PPP1R16A: variants seen among roughly 807,000 people sequenced by gnomAD.
PPP1R16A encodes the protein myosin phosphatase-targeting subunit 3.
Under a neutral mutation model 46.6 loss-of-function variants are expected in PPP1R16A, and 39 were observed. That is an observed-to-expected ratio of 0.84 (90% CI 0.65 to 1.09). PPP1R16A has a LOEUF of 1.09. Ranked by LOEUF, PPP1R16A falls within the 50% of genes least tolerant of loss-of-function variation. PPP1R16A has a pLI of 0.00. For synonymous variants in PPP1R16A, 413 were observed against 321.5 expected, an observed-to-expected ratio of 1.28 and a Z score of -3.04; for missense variants, 798 against 735.6, an observed-to-expected ratio of 1.08 and a Z score of -0.98.
intron 2 of PPP1R16A, among the ~76,000 whole-genome samples, chr8:144,490,751 C>G (rs2130320757): frequency 6.6e-6 from 1 of 152,342 alleles, no homozygotes; most frequent in Non-Finnish European, 1.5e-5. Context: ...CAGACAGCCT[C>G]TCTGCCCATG....
rs1430933862 is a variant in PPP1R16A, at chr8:144,500,844, G to A, written c.910G>A (p.Val304Met). ...KSLMDETPLDVCGDEEVRAKL... is the reference protein window; with the variant it reads ...KSLMDETPLDMCGDEEVRAKL... ...TGACGCCTGCGCCCACTTCTCAGAT[G>A]TGTGCGGGGACGAGGAGGTGCGGGC... is the stretch of plus-strand genomic sequence containing the variant. Residue 304 changes from valine (V) to methionine (M), a missense_variant and splice_region_variant, in exon 10 of 12, where the codon GTG becomes ATG. Val to Met is a conservative substitution (Grantham distance 21). Transcript: ENST00000435887. 6.3e-7 allele frequency: 1 copy of A among 1,581,980 alleles called. No individual in the cohort carries two copies. Among genetic ancestry groups the A allele is most frequent in the Non-Finnish European group, 8.6e-7 (1 of 1,165,320 alleles).
chr8:144,486,069 A>T (rs1277540234), intron 1 of PPP1R16A, among the ~76,000 whole-genome samples: 2 of 152,256 alleles, frequency 1.3e-5, no homozygotes, highest in East Asian at 3.9e-4. Flanking sequence ...GTTACAAGAC[A>T]TTTGGTTTTT....
chr8:144,492,958 G>A (rs557355628), intron 2 of PPP1R16A, among the ~76,000 whole-genome samples: 59 of 152,276 alleles, frequency 3.9e-4, no homozygotes, highest in African/African-American at 1.2e-3. Context: ...AGTAGTGACC[G>A]GGGCAGCTCT....
chr8:144,499,921 C>A (rs1826325387), intron 5 of PPP1R16A, 175 bp from the exon 6 acceptor site: 1 of 622,938 alleles, frequency 1.6e-6, no homozygotes, highest in East Asian at 2.8e-5. Flanking sequence ...GGCTTAATGA[C>A]AGGATCTAGG....
intron 3 of PPP1R16A, chr8:144,498,085 C>T (rs773337011): frequency 2.2e-6 from 1 of 456,126 alleles, no homozygotes; most frequent in East Asian, 6.9e-5. Context: ...CTGCCTCCCT[C>T]CGGAGCAGAG....
rs747528598 is a variant in PPP1R16A at position 144,497,236 on chromosome 8, G to A, written c.42G>A (p.Val14=). The A allele has an allele frequency of 6.2e-7, 1 of 1,602,792 alleles. No homozygotes were observed. Among genetic ancestry groups the A allele is most frequent in the South Asian group, 1.1e-5 (1 of 89,658 alleles). ...HLELLAEMPM[V]GRMSTQERLK... ...AGCTGCTGGCAGAGATGCCCATGGT[G>A]GGCAGGATGAGCACACAGGAGCGGC... Residue 14 remains valine (V), a synonymous_variant, in exon 3 of 12, where the codon GTG becomes GTA. Transcript: ENST00000435887.
At chr8:144,500,074 AC>A (rs780234641) in intron 5 of PPP1R16A, 21 bp from the exon 6 acceptor site, 18 of 1,590,210 alleles carry the variant, frequency 1.1e-5, no homozygotes, top group Non-Finnish European at 1.4e-5. Context: ...TGTGCCCAGC[AC>A]CCCGTCCGTC....
At position 144,490,044 on chromosome 8, in the gene PPP1R16A, A is replaced by G. The variant is rs192606389; in HGVS notation, c.-903A>G. The G allele has an allele frequency of 2.9e-3, 444 of 152,468 alleles. 3 individuals carry two copies. Among genetic ancestry groups the G allele is most frequent in the Middle Eastern group, 6.8e-3 (2 of 294 alleles). 9.4% of individuals were successfully genotyped at this position (152,468 alleles called of 1,614,324 possible). Reference sequence around the variant, plus strand: ...AGGCCCCTTTTCCAGGTACTGGCACACGGATGAGGAGTCGTAGAAGAGGGG... The same window carrying G: ...AGGCCCCTTTTCCAGGTACTGGCACGCGGATGAGGAGTCGTAGAAGAGGGG... On this transcript the variant is annotated 5_prime_UTR_variant, in exon 2 of 12. Transcript: ENST00000435887.
rs1047586140 is a variant in PPP1R16A at position 144,479,975 on chromosome 8, A to G, written c.-914+1848A>G. ...TCACTGCACTTACTGAGTGCTGCCT[A>G]TGAGTCAGGAACTGGCCAAGTTCTT... On this transcript the variant is annotated intron_variant, in intron 1 of 11. Coordinates refer to ENST00000435887, the MANE Select transcript of PPP1R16A (RefSeq NM_001329443.2). Among the ~76,000 whole-genome samples the G allele has an allele frequency of 5.3e-4, 80 of 152,168 alleles. 1 individual carries two copies. Among genetic ancestry groups the G allele is most frequent in the Admixed American group, 4.5e-3 (68 of 15,272 alleles).
intron 1 of PPP1R16A, among the ~76,000 whole-genome samples, chr8:144,485,212 CAA>C (rs749667274): frequency 3.3e-5 from 2 of 61,526 alleles, no homozygotes; most frequent in African/African-American, 2.1e-4. Context: ...AATAGAATCT[CAA>C]AAAAAAAAAA....
intron 1 of PPP1R16A, among the ~76,000 whole-genome samples, chr8:144,485,311 T>A (rs1825594960): frequency 7.0e-6 from 1 of 142,694 alleles, no homozygotes; most frequent in Non-Finnish European, 1.5e-5. Context: ...TCACTTGAGG[T>A]CAGGAGTTCA....
chr8:144,489,486 G>A (rs958415916), intron 1 of PPP1R16A, among the ~76,000 whole-genome samples: 7 of 151,972 alleles, frequency 4.6e-5, no homozygotes, highest in African/African-American at 1.5e-4. Context: ...CCACTCACTC[G>A]TCCAGCCACC....
chr8:144,483,608 G>A (rs1258366808), intron 1 of PPP1R16A, among the ~76,000 whole-genome samples: 1 of 151,882 alleles, frequency 6.6e-6, no homozygotes, highest in Non-Finnish European at 1.5e-5. Context: ...GTTTTACCCT[G>A]TTGGTCAGGC....
intron 1 of PPP1R16A, among the ~76,000 whole-genome samples, chr8:144,482,360 T>C (rs1289457247): frequency 6.6e-6 from 1 of 151,976 alleles, no homozygotes; most frequent in Non-Finnish European, 1.5e-5. Flanking sequence ...TCCTGGCCAG[T>C]TTATAGTTTT....
rs73716220 is a variant in PPP1R16A, at chr8:144,493,557, G to A, written c.-734-2904G>A. 0.021 allele frequency among the ~76,000 whole-genome samples: 3,188 copies of A among 152,320 alleles called. 109 individuals are homozygous for A. The highest frequency in any genetic ancestry group is 0.069 in the African/African-American group (2,871 of 41,564). On this transcript the variant is annotated intron_variant, in intron 2 of 11. Transcript: ENST00000435887. The surrounding 1 kb of genome is among the most constrained non-coding windows in gnomAD (Gnocchi z 4.3). Reference sequence around the variant, plus strand: ...AGGGCAGCCAAGGTTCAGGTAGGAGGGAGGCAGTCTTTCCTTCTGGAGCCC... The same window carrying A: ...AGGGCAGCCAAGGTTCAGGTAGGAGAGAGGCAGTCTTTCCTTCTGGAGCCC...
chr8:144,490,752 T>A (rs995668576), intron 2 of PPP1R16A, among the ~76,000 whole-genome samples: 2 of 152,202 alleles, frequency 1.3e-5, no homozygotes, highest in Non-Finnish European at 2.9e-5. Flanking sequence ...AGACAGCCTC[T>A]CTGCCCATGC....
chr8:144,479,915 G>C (rs1825334951), intron 1 of PPP1R16A, among the ~76,000 whole-genome samples: 1 of 152,206 alleles, frequency 6.6e-6, no homozygotes, highest in Admixed American at 6.5e-5. Flanking sequence ...TGGGACCCCT[G>C]TGCCAGAGGC....
chr8:144,500,594 C>T lies in PPP1R16A; in HGVS notation c.813C>T (p.Ala271=). 6.2e-7 allele frequency: 1 copy of T among 1,600,008 alleles called. No homozygotes were observed. Among genetic ancestry groups the T allele is most frequent in the Non-Finnish European group, 8.5e-7 (1 of 1,179,076 alleles). Residue 271 remains alanine, a synonymous_variant, in exon 8 of 12, where the codon GCC becomes GCT. Transcript: ENST00000435887. ...AAGACGGCTGGGAGCCGCTGCACGC[C>T]GCGGCCTACTGGGGCCAGGTGAGTG... The part of the protein sequence containing the change: ...KDQDGWEPLH[A]AAYWGQVPLV...
rs1825482233 is a variant in PPP1R16A at position 144,482,750 on chromosome 8, G to A, written c.-914+4623G>A. ...TGCAACCTCTGCCTCCTGGGTTCAA[G>A]CGATTCTCCTGCCTCAGCCTCCCGA... On this transcript the variant is annotated intron_variant, in intron 1 of 11. Coordinates refer to ENST00000435887, the MANE Select transcript of PPP1R16A (RefSeq NM_001329443.2). 2.0e-5 allele frequency among the ~76,000 whole-genome samples: 3 copies of A among 149,788 alleles called. No homozygotes were observed. The South Asian group carries it at 6.4e-4, about 32-fold the overall frequency.
Sources: allele counts gnomAD v4.1 joint callset (sites outside exome capture counted in the v4.1 genomes callset), GRCh38; gene constraint gnomAD v4.1.1; non-coding constraint Gnocchi (gnomAD v3.1); transcripts MANE v1.5; gene names NCBI Gene and HGNC (gene_info 2026-07-23, HGNC 2026-07-21).